Variants in DNAH3 observed in about 807,000 individuals in gnomAD.
DNAH3 encodes the protein axonemal beta dynein heavy chain 3.
In DNAH3, 332 loss-of-function variants were observed where a neutral mutation model predicts 432.5. That is an observed-to-expected ratio of 0.77 (90% CI 0.70 to 0.84). DNAH3 has a LOEUF of 0.84. DNAH3 is among the 40% of genes least tolerant of loss of function. The pLI is 0.00. For missense variants in DNAH3, 4,861 were observed against 5,114.0 expected, an observed-to-expected ratio of 0.95 and a Z score of 1.51; for synonymous variants, 1,956 against 1,900.2, an observed-to-expected ratio of 1.03 and a Z score of -0.76.
At chr16:21,032,309 G>T (rs1200346702) in intron 36 of DNAH3, among the ~76,000 whole-genome samples, 3 of 152,186 alleles carry the variant, frequency 2.0e-5, no homozygotes, top group Admixed American at 2.0e-4. Flanking sequence ...TCTCTGAAGG[G>T]CTAGTTTGGC....
intron 58 of DNAH3, among the ~76,000 whole-genome samples, chr16:20,943,436 C>G (rs1211280759): frequency 2.0e-5 from 3 of 151,910 alleles, no homozygotes; most frequent in African/African-American, 7.3e-5. Flanking sequence ...GTTGCCCAGG[C>G]TGGCCTCGAA....
At chr16:21,112,758 C>G (rs1273679409) in intron 12 of DNAH3, among the ~76,000 whole-genome samples, 2 of 151,994 alleles carry the variant, frequency 1.3e-5, no homozygotes, top group African/African-American at 4.8e-5. Context: ...CATTCCCATG[C>G]TGCCCAAGAC....
chr16:21,083,874 G>C (rs961140366), intron 19 of DNAH3, among the ~76,000 whole-genome samples: 1 of 152,134 alleles, frequency 6.6e-6, no homozygotes, highest in Non-Finnish European at 1.5e-5. Flanking sequence ...AGAGTATCTA[G>C]GGGCCTTTGT....
chr16:21,034,015 G>A, exon 36 of DNAH3: 25 of 1,613,766 alleles, frequency 1.5e-5, no homozygotes, highest in Non-Finnish European at 2.1e-5. Flanking sequence ...CACTTTATAA[G>A]CAGAGGTCTT....
At chr16:20,967,318 G>A (rs1296605833) in intron 52 of DNAH3, among the ~76,000 whole-genome samples, 1 of 152,012 alleles carries the variant, frequency 6.6e-6, no homozygotes, top group Non-Finnish European at 1.5e-5. Context: ...GATGGGTTCT[G>A]TGCTGATCAT....
At chr16:20,955,707 G>A (rs896449479) in intron 54 of DNAH3, among the ~76,000 whole-genome samples, 2 of 152,068 alleles carry the variant, frequency 1.3e-5, no homozygotes, top group Non-Finnish European at 2.9e-5. Context: ...AAAGTTTGCT[G>A]ATGCCTGTCA....
chr16:21,064,482 T>C (rs2090472162), intron 24 of DNAH3, among the ~76,000 whole-genome samples: 2 of 152,196 alleles, frequency 1.3e-5, no homozygotes, highest in East Asian at 1.9e-4. Flanking sequence ...ACTTTTGGGG[T>C]CATTTGTTAC....
At chr16:21,067,758 G>GA (rs1491349300) in intron 23 of DNAH3, among the ~76,000 whole-genome samples, 1,015 of 24,692 alleles carry the variant, frequency 0.041, 34 homozygotes, top group East Asian at 0.23. Flanking sequence ...AGCCAGTCTT[G>GA]GGGGGGGGGG....
At chr16:21,123,203 T>C (rs2092380028) in intron 9 of DNAH3, among the ~76,000 whole-genome samples, 1 of 151,888 alleles carries the variant, frequency 6.6e-6, no homozygotes, top group Admixed American at 6.6e-5. Flanking sequence ...TCAACCTTGC[T>C]ACAACAGAAA....
chr16:20,969,245 CATGT>C (rs938055253), intron 52 of DNAH3, among the ~76,000 whole-genome samples: 2 of 150,672 alleles, frequency 1.3e-5, no homozygotes, highest in African/African-American at 4.9e-5. Context: ...TCTGTGTGTG[CATGT>C]ATGTCTATAT....
intron 25 of DNAH3, among the ~76,000 whole-genome samples, chr16:21,061,074 A>G (rs1421304635): frequency 1.3e-5 from 2 of 150,416 alleles, no homozygotes; most frequent in Non-Finnish European, 3.0e-5. Context: ...CCTGGCCTCA[A>G]GAGATCCTCC....
intron 14 of DNAH3, 115 bp from the exon 15 acceptor site, chr16:21,106,789 AAG>A (rs1347815001): frequency 2.9e-6 from 3 of 1,017,994 alleles, no homozygotes; most frequent in African/African-American, 3.2e-5. Flanking sequence ...TTGAAAAAAA[AAG>A]AAAATTTTTT....
intron 41 of DNAH3, among the ~76,000 whole-genome samples, chr16:21,016,298 G>C (rs1443038467): frequency 1.3e-5 from 2 of 152,054 alleles, no homozygotes; most frequent in African/African-American, 4.8e-5. Flanking sequence ...GTAAAAACTA[G>C]GAGATAAAAG....
intron 37 of DNAH3, 51 bp from the exon 38 acceptor site, chr16:21,027,178 T>C (rs377492054): frequency 3.9e-4 from 535 of 1,361,370 alleles, no homozygotes; most frequent in Non-Finnish European, 5.3e-4. Context: ...TTAAATTCCA[T>C]CTGCAAGTAA....
intron 6 of DNAH3, among the ~76,000 whole-genome samples, chr16:21,135,563 C>G (rs111237756): frequency 6.6e-6 from 1 of 151,948 alleles, no homozygotes; most frequent in African/African-American, 2.4e-5. Context: ...AGTGGTGGTG[C>G]GTGCCTGTAG....
chr16:20,987,694 T>C (rs774405005), exon 46 of DNAH3: 7 of 1,613,372 alleles, frequency 4.3e-6, no homozygotes, highest in South Asian at 1.1e-5. Context: ...GTGGCTGACC[T>C]GCAGGTGTGT....
chr16:21,093,646 T>C (rs11862906), intron 18 of DNAH3, among the ~76,000 whole-genome samples: 3,291 of 152,244 alleles, frequency 0.022, 126 homozygotes, highest in African/African-American at 0.074. Context: ...AAAATGAAGT[T>C]AGAAGAATCA....
rs1279637371 is a variant in DNAH3, at chr16:20,936,793, G to GA, written c.11714dup (p.Leu3906ProfsTer11). 1 of 1,613,538 alleles carries GA rather than the reference G, an allele frequency of 6.2e-7. No individual in the cohort carries two copies. Among genetic ancestry groups the GA allele is most frequent in the Non-Finnish European group, 8.5e-7 (1 of 1,179,930 alleles). On this transcript the variant is annotated frameshift_variant, in exon 60 of 62. Coordinates refer to ENST00000261383, the Ensembl canonical transcript of DNAH3. LOFTEE classifies it high-confidence loss of function. Reference sequence around the variant, plus strand: ...CTTCCTCTAGCTCCGAGGACATCAGGACCTGTCCTTTGATGGCTCGGCCAA... The same window carrying GA: ...CTTCCTCTAGCTCCGAGGACATCAGGAACCTGTCCTTTGATGGCTCGGCCAA...
chr16:20,970,141 A>G, intron 51 of DNAH3, 151 bp from the exon 52 acceptor site: 1 of 747,600 alleles, frequency 1.3e-6, no homozygotes, highest in Non-Finnish European at 2.2e-6. Flanking sequence ...GAGCTGGACA[A>G]TGGCTCTGAC....
Sources: gnomAD v4.1 joint callset for allele counts (sites outside exome capture counted in the v4.1 genomes callset) on GRCh38, gnomAD v4.1.1 for gene constraint, MANE v1.5 for transcripts, NCBI Gene and HGNC (gene_info 2026-07-23, HGNC 2026-07-21) for gene names.